The following SPOCK1 variants were observed in gnomAD, a reference collection of about 807,000 sequenced individuals.
The protein encoded by SPOCK1 is SPARC (osteonectin), cwcv and kazal like domains proteoglycan 1.
Under a neutral mutation model 55.3 loss-of-function variants are expected in SPOCK1, and 23 were observed. The ratio of observed to expected loss-of-function variants is 0.42; its 90% CI spans 0.30 to 0.59. SPOCK1 has a LOEUF of 0.59. Among genes scored for constraint, SPOCK1 ranks in the 20% least tolerant of loss-of-function variants. The probability of loss-of-function intolerance (pLI) is 0.22; values close to 1 mark genes in which losing one functional copy is unlikely to be tolerated. For synonymous variants in SPOCK1, 226 were observed against 221.0 expected (o/e 1.02, Z -0.20); for missense variants, 499 against 552.5 (o/e 0.90, Z 0.97).
At chr5:137,137,713 G>C (rs558137349) in intron 4 of SPOCK1, among the ~76,000 whole-genome samples, 21 of 152,172 alleles carry the variant, frequency 1.4e-4, no homozygotes, top group Non-Finnish European at 2.9e-4. Context: ...TCATCCTCAC[G>C]CTAAACCTCA....
At chr5:137,312,509 T>C (rs895768387) in intron 2 of SPOCK1, among the ~76,000 whole-genome samples, 1 of 152,184 alleles carries the variant, frequency 6.6e-6, no homozygotes, top group Non-Finnish European at 1.5e-5. Context: ...AGAATTTTGG[T>C]TGTTTTTTTT....
At chr5:137,081,633 G>A (rs1363779571) in intron 5 of SPOCK1, among the ~76,000 whole-genome samples, 2 of 152,110 alleles carry the variant, frequency 1.3e-5, no homozygotes, top group East Asian at 1.9e-4. Context: ...CAACAGAAAC[G>A]AAACCACAGA....
intron 3 of SPOCK1, among the ~76,000 whole-genome samples, chr5:137,181,338 G>A (rs1292218706): frequency 1.3e-5 from 2 of 152,200 alleles, no homozygotes; most frequent in Non-Finnish European, 2.9e-5. Flanking sequence ...GAGAGCTACT[G>A]TTAGTTTCTG....
intron 2 of SPOCK1, among the ~76,000 whole-genome samples, chr5:137,409,542 A>AATG (rs1326375749): frequency 6.6e-6 from 1 of 152,208 alleles, no homozygotes; most frequent in African/African-American, 2.4e-5. Flanking sequence ...AAAATGGCAT[A>AATG]ATGATAGTAC....
intron 4 of SPOCK1, among the ~76,000 whole-genome samples, chr5:137,130,964 G>T (rs900889669): frequency 1.3e-5 from 2 of 152,204 alleles, no homozygotes; most frequent in Non-Finnish European, 2.9e-5. Context: ...TAGAACATCA[G>T]CTTGAGAACA....
intron 3 of SPOCK1, among the ~76,000 whole-genome samples, chr5:137,218,717 T>C (rs1242462202): frequency 1.3e-5 from 2 of 152,150 alleles, no homozygotes; most frequent in Non-Finnish European, 2.9e-5. Flanking sequence ...CTGCCAGAAT[T>C]GAGTCCTATA....
intron 3 of SPOCK1, among the ~76,000 whole-genome samples, chr5:137,211,883 C>T (rs1318114102): frequency 1.3e-5 from 2 of 152,202 alleles, no homozygotes; most frequent in Non-Finnish European, 2.9e-5. Context: ...CCCTGCCACA[C>T]ACCTTGTCCT....
At chr5:137,173,269 G>A (rs1053690232) in intron 3 of SPOCK1, among the ~76,000 whole-genome samples, 18 of 152,220 alleles carry the variant, frequency 1.2e-4, no homozygotes, top group African/African-American at 3.9e-4. Context: ...AGCCAAGAAG[G>A]TAGCCCTTAG....
At position 137,113,681 on chromosome 5, in the gene SPOCK1, T is replaced by G. The variant is rs555922125; in HGVS notation, c.348-1120A>C. Among the ~76,000 whole-genome samples the G allele has an allele frequency of 6.2e-3, 939 of 152,328 alleles. 9 individuals are homozygous for G. Among genetic ancestry groups the G allele is most frequent in the African/African-American group, 0.018 (744 of 41,578 alleles). On this transcript the variant is annotated intron_variant, in intron 4 of 10. Coordinates refer to ENST00000394945, the MANE Select transcript of SPOCK1 (RefSeq NM_004598.4). Reference sequence around the variant, plus strand: ...TATCTGAAGTACTCAGCAGAGTGCCTGCAAAATAGGAAGCAGTAAAAATGG... The same window carrying G: ...TATCTGAAGTACTCAGCAGAGTGCCGGCAAAATAGGAAGCAGTAAAAATGG...
chr5:137,091,081 A>G (rs919900085), intron 5 of SPOCK1, among the ~76,000 whole-genome samples: 6 of 152,216 alleles, frequency 3.9e-5, no homozygotes, highest in Non-Finnish European at 8.8e-5. Flanking sequence ...GGATGAAGAC[A>G]CGAGCATAGG....
intron 2 of SPOCK1, among the ~76,000 whole-genome samples, chr5:137,337,965 C>T (rs746115029): frequency 2.6e-5 from 4 of 152,164 alleles, no homozygotes; most frequent in Non-Finnish European, 5.9e-5. Flanking sequence ...CATTTTACCT[C>T]CCTGAGTCTG....
At chr5:137,061,370 C>G (rs566098195) in intron 6 of SPOCK1, among the ~76,000 whole-genome samples, 1 of 152,266 alleles carries the variant, frequency 6.6e-6, no homozygotes, top group East Asian at 1.9e-4. Flanking sequence ...ATTGGACAAC[C>G]GTCTGTCAAC....
chr5:137,373,930 C>T (rs1751254621), intron 2 of SPOCK1, among the ~76,000 whole-genome samples: 1 of 152,196 alleles, frequency 6.6e-6, no homozygotes, highest in Admixed American at 6.5e-5. Flanking sequence ...GGAGCCCACA[C>T]TGTTTTAGCT....
At chr5:137,275,621 G>A (rs903942372) in intron 2 of SPOCK1, among the ~76,000 whole-genome samples, 1 of 152,176 alleles carries the variant, frequency 6.6e-6, no homozygotes, top group Non-Finnish European at 1.5e-5. Context: ...TGAGGTGACT[G>A]AGGGAAGGCC....
chr5:137,350,448 G>A (rs548494070), intron 2 of SPOCK1, among the ~76,000 whole-genome samples: 7 of 152,310 alleles, frequency 4.6e-5, no homozygotes, highest in African/African-American at 1.2e-4. Context: ...ACCACGTGGC[G>A]TCAACTGAGG....
intron 5 of SPOCK1, among the ~76,000 whole-genome samples, chr5:137,081,264 C>T (rs539745699): frequency 2.0e-4 from 30 of 152,340 alleles, no homozygotes; most frequent in African/African-American, 5.8e-4. Flanking sequence ...CCTCGCTTAC[C>T]TACAGAGACT....
At chr5:137,136,025 C>T (rs936216270) in intron 4 of SPOCK1, among the ~76,000 whole-genome samples, 32 of 152,128 alleles carry the variant, frequency 2.1e-4, no homozygotes, top group African/African-American at 7.7e-4. Context: ...ACATGTTTTG[C>T]AAATATTTTC....
chr5:137,365,984 C>T lies in SPOCK1; in HGVS notation c.187-98929G>A, dbSNP rs181701038. On this transcript the variant is annotated intron_variant, in intron 2 of 10. Transcript: ENST00000394945. The stretch of plus-strand genomic sequence containing the variant: ...TGGCAGCACTGGAAAAAAGCAAATC[C>T]TCATGAATTGCCCAAAAGGGTGCAG... Among the ~76,000 whole-genome samples the T allele has an allele frequency of 1.4e-3, 219 of 152,280 alleles. 1 individual carries two copies. The highest frequency in any genetic ancestry group is 4.9e-3 in the African/African-American group (204 of 41,552).
intron 6 of SPOCK1, among the ~76,000 whole-genome samples, chr5:137,002,773 T>C (rs1195925555): frequency 6.6e-6 from 1 of 152,176 alleles, no homozygotes; most frequent in African/African-American, 2.4e-5. Flanking sequence ...CCTGGACTAC[T>C]GAGAGAGCCA....
Sources: allele counts gnomAD v4.1 joint callset (sites outside exome capture counted in the v4.1 genomes callset), GRCh38; gene constraint gnomAD v4.1.1; transcripts MANE v1.5; gene names NCBI Gene and HGNC (gene_info 2026-07-23, HGNC 2026-07-21).